The following HHAT variants were observed in gnomAD, a reference collection of about 807,000 sequenced individuals.
The protein encoded by HHAT is hedgehog acyltransferase.
In HHAT, 47 loss-of-function variants were observed where a neutral mutation model predicts 70.8. The ratio of observed to expected loss-of-function variants is 0.66; its 90% CI spans 0.53 to 0.85. The LOEUF (loss-of-function observed/expected upper bound fraction) is 0.85, where lower values mean the gene tolerates loss of function less well. HHAT is among the 40% of genes least tolerant of loss of function. HHAT has a pLI of 0.00. For missense variants in HHAT, 609 were observed against 604.8 expected, an observed-to-expected ratio of 1.01 and a Z score of -0.07; for synonymous variants, 228 against 247.6, an observed-to-expected ratio of 0.92 and a Z score of 0.74.
chr1:210,531,028 A>G (rs2095309495), intron 9 of HHAT, among the ~76,000 whole-genome samples: 1 of 152,226 alleles, frequency 6.6e-6, no homozygotes, highest in Admixed American at 6.5e-5. Context: ...CGTAGAGTGT[A>G]CTTCCACATA....
At chr1:210,328,358 C>CA (rs1255166726), upstream of HHAT, 3 of 152,374 alleles carry the variant, frequency 2.0e-5, no homozygotes, top group East Asian at 5.8e-4. Context: ...TCAAAATCTT[C>CA]GTACCCATTT....
At chr1:210,406,051 G>A (rs770899731) in intron 6 of HHAT, among the ~76,000 whole-genome samples, 10 of 152,054 alleles carry the variant, frequency 6.6e-5, no homozygotes, top group Non-Finnish European at 1.5e-4. Context: ...CAGCCTCTAG[G>A]GATAAAGCCC....
intron 8 of HHAT, among the ~76,000 whole-genome samples, chr1:210,511,519 A>ATG (rs2094951105): frequency 6.6e-6 from 1 of 152,090 alleles, no homozygotes; most frequent in East Asian, 1.9e-4. Context: ...GCATGATGGG[A>ATG]TGTTCCAGGG....
At chr1:210,423,044 C>G (rs1485336158) in intron 7 of HHAT, among the ~76,000 whole-genome samples, 2 of 152,150 alleles carry the variant, frequency 1.3e-5, no homozygotes, top group Non-Finnish European at 2.9e-5. Context: ...GTATAGATGT[C>G]TCTTGAATAT....
intron 8 of HHAT, among the ~76,000 whole-genome samples, chr1:210,482,560 G>A (rs951891663): frequency 2.6e-5 from 4 of 152,078 alleles, no homozygotes; most frequent in African/African-American, 4.8e-5. Context: ...TTTTACAACC[G>A]TGATCCCAGC....
intron 8 of HHAT, among the ~76,000 whole-genome samples, chr1:210,491,560 G>A (rs1034215230): frequency 2.0e-5 from 3 of 152,154 alleles, no homozygotes; most frequent in Non-Finnish European, 4.4e-5. Context: ...TGGGATAATA[G>A]TACAACCTTG....
chr1:210,596,995 G>A (rs1209147312), intron 10 of HHAT, among the ~76,000 whole-genome samples: 1 of 152,136 alleles, frequency 6.6e-6, no homozygotes, highest in Non-Finnish European at 1.5e-5. Context: ...AAGGGACTTG[G>A]GCATTGTGAT....
intron 8 of HHAT, among the ~76,000 whole-genome samples, chr1:210,477,969 T>A (rs1027552973): frequency 6.6e-6 from 1 of 152,190 alleles, no homozygotes; most frequent in Admixed American, 6.5e-5. Flanking sequence ...TAGCAGTAAT[T>A]GTCATAGCAA....
At chr1:210,351,012 T>C (rs1411934822) in intron 2 of HHAT, among the ~76,000 whole-genome samples, 3 of 152,180 alleles carry the variant, frequency 2.0e-5, no homozygotes, top group Non-Finnish European at 4.4e-5. Context: ...AGGCTACATA[T>C]AGATATAAAA....
intron 11 of HHAT, among the ~76,000 whole-genome samples, chr1:210,651,756 T>C (rs1486154793): frequency 6.6e-6 from 1 of 152,208 alleles, no homozygotes; most frequent in African/African-American, 2.4e-5. Context: ...AGAATTGAGA[T>C]GCAAAACAAG....
rs1187735338 is a variant in HHAT at position 210,496,123 on chromosome 1, G to A, written c.1008-17030G>A. ...TGAATCTTTTTAGTTATATACTTGC[G>A]TTAGTTATCAAATTACTCCCACACT... On this transcript the variant is annotated intron_variant, in intron 8 of 11. Transcript: ENST00000261458. Among the ~76,000 whole-genome samples, 10 of 146,746 alleles carry A rather than the reference G, an allele frequency of 6.8e-5. No homozygotes were observed. The East Asian group carries it at 8.0e-4, about 12-fold the overall frequency.
At chr1:210,352,580 GCGTGGCTACTCT>G (rs1344014396) in intron 2 of HHAT, among the ~76,000 whole-genome samples, 1 of 152,136 alleles carries the variant, frequency 6.6e-6, no homozygotes, top group East Asian at 1.9e-4. Context: ...GTGGGCATCT[GCGTGGCTACTCT>G]CCTTGGGCAC....
At chr1:210,542,373 A>G (rs1024796829) in intron 9 of HHAT, among the ~76,000 whole-genome samples, 1 of 152,058 alleles carries the variant, frequency 6.6e-6, no homozygotes, top group Non-Finnish European at 1.5e-5. Context: ...ACACATTTTG[A>G]TTTCTTTACA....
At chr1:210,409,352 G>A (rs573868769) in intron 6 of HHAT, among the ~76,000 whole-genome samples, 3 of 152,146 alleles carry the variant, frequency 2.0e-5, no homozygotes, top group Non-Finnish European at 4.4e-5. Flanking sequence ...TGGCCTAGTG[G>A]ACATGAAGGT....
chr1:210,643,249 T>G (rs546710563), intron 11 of HHAT, among the ~76,000 whole-genome samples: 1 of 152,354 alleles, frequency 6.6e-6, no homozygotes, highest in East Asian at 1.9e-4. Flanking sequence ...AAAATTGTCT[T>G]GGATACACTT....
In HHAT at chr1:210,674,547, A is replaced by C. The variant is rs1310539783; in HGVS notation, c.*168A>C. On this transcript the variant is annotated 3_prime_UTR_variant, in exon 12 of 12. Coordinates refer to ENST00000261458, the MANE Select transcript of HHAT (RefSeq NM_018194.6). The stretch of plus-strand genomic sequence containing the variant: ...GATCTCATAGAAAATTCACAGCCAG[A>C]CAATCTTCTAATCTGGAGTCTTTGA... 1.0e-5 allele frequency: 6 copies of C among 588,774 alleles called. 1 individual carries two copies. The South Asian group carries it at 1.1e-4, about 11-fold the overall frequency. 36.5% of individuals were successfully genotyped at this position (588,774 alleles called of 1,614,324 possible). A position where few individuals can be genotyped will look rare whatever the true frequency, so the allele number is the denominator to read the frequency against.
chr1:210,362,388 G>A (rs2088440304), intron 2 of HHAT, among the ~76,000 whole-genome samples: 1 of 152,050 alleles, frequency 6.6e-6, no homozygotes, highest in African/African-American at 2.4e-5. Context: ...CACCACACCT[G>A]GCTAATTTTT....
intron 11 of HHAT, among the ~76,000 whole-genome samples, chr1:210,642,197 A>G (rs1417191606): frequency 1.3e-5 from 2 of 152,176 alleles, no homozygotes; most frequent in African/African-American, 4.8e-5. Flanking sequence ...TTTTGAGATT[A>G]TGTTTGAAAG....
At chr1:210,500,456 AGAAGCCTAACCTAATTTCTTTTGTTTCCT>A (rs1558034407) in intron 8 of HHAT, among the ~76,000 whole-genome samples, 1 of 152,192 alleles carries the variant, frequency 6.6e-6, no homozygotes, top group Non-Finnish European at 1.5e-5. Context: ...GTCAACCCTT[AGAAGCCTAACCTAATTTCTTTTGTTTCCT>A]GAAGCTCTGG....
Sources: allele counts gnomAD v4.1 joint callset (sites outside exome capture counted in the v4.1 genomes callset), GRCh38; gene constraint gnomAD v4.1.1; transcripts MANE v1.5; gene names NCBI Gene and HGNC (gene_info 2026-07-23, HGNC 2026-07-21).